The following IGSF10 variants were observed in gnomAD, a reference collection of about 807,000 sequenced individuals.
IGSF10 encodes the protein immunoglobulin superfamily member 10.
Under a neutral mutation model 128.2 loss-of-function variants are expected in IGSF10, and 126 were observed. That is an observed-to-expected ratio of 0.98 (90% CI 0.85 to 1.14). The LOEUF is 1.14. Ranked by LOEUF, IGSF10 falls within the 50% of genes most tolerant of loss-of-function variation. The probability of loss-of-function intolerance (pLI) is 0.00; values close to 1 mark genes in which losing one functional copy is unlikely to be tolerated. For missense variants in IGSF10, 3,295 were observed against 3,149.8 expected (o/e 1.05, Z -1.10); for synonymous variants, 1,185 against 1,146.2 (o/e 1.03, Z -0.68).
At chr3:151,576,628 T>C in the IGSF10 span, among the ~76,000 whole-genome samples, 2 of 152,174 alleles carry the variant, frequency 1.3e-5, no homozygotes, top group African/African-American at 4.8e-5. Context: ...TGGCCATAAC[T>C]TCCCCAAATC....
chr3:151,599,678 CTT>C, the IGSF10 span, among the ~76,000 whole-genome samples: 1 of 152,104 alleles, frequency 6.6e-6, no homozygotes, highest in Non-Finnish European at 1.5e-5. Context: ...AATAATTCTT[CTT>C]GTTAGTAGAC....
chr3:151,484,744 A>AG, the IGSF10 span, among the ~76,000 whole-genome samples: 1 of 151,212 alleles, frequency 6.6e-6, no homozygotes, highest in Non-Finnish European at 1.5e-5. Context: ...AAAAAAAAAA[A>AG]GAATAGAATC....
intron 4 of IGSF10, among the ~76,000 whole-genome samples, chr3:151,454,847 C>A (rs896732324): frequency 4.6e-5 from 7 of 151,528 alleles, no homozygotes; most frequent in Non-Finnish European, 8.8e-5. Context: ...TACATATACA[C>A]ACACAAAATT....
downstream of IGSF10, chr3:151,432,785 G>C: frequency 6.2e-7 from 1 of 1,612,926 alleles, no homozygotes; most frequent in Non-Finnish European, 8.5e-7. Flanking sequence ...ACTCCGTATG[G>C]GCATCCTTCA....
At chr3:151,472,749 G>T in the IGSF10 span, among the ~76,000 whole-genome samples, 1 of 152,242 alleles carries the variant, frequency 6.6e-6, no homozygotes, top group East Asian at 1.9e-4. Context: ...GTATACTTTT[G>T]CCAGGTAAAG....
At chr3:151,594,884 C>T in the IGSF10 span, among the ~76,000 whole-genome samples, 1 of 151,436 alleles carries the variant, frequency 6.6e-6, no homozygotes. Context: ...GCATATACCC[C>T]CAAAAGATGT....
the IGSF10 span, among the ~76,000 whole-genome samples, chr3:151,519,702 G>A: frequency 6.6e-6 from 1 of 151,658 alleles, no homozygotes. Flanking sequence ...GCAAAATAAA[G>A]CAATGAATTC....
the IGSF10 span, among the ~76,000 whole-genome samples, chr3:151,614,371 C>T: frequency 5.9e-5 from 9 of 152,286 alleles, no homozygotes; most frequent in South Asian, 2.1e-4. Context: ...CACATGCACA[C>T]GTATGTTTAT....
chr3:151,435,522 A>G (rs184775659), downstream of IGSF10: 61 of 152,166 alleles, frequency 4.0e-4, no homozygotes, highest in East Asian at 0.011. Flanking sequence ...ACATGTCTCA[A>G]ATGATTGGCA....
the IGSF10 span, among the ~76,000 whole-genome samples, chr3:151,597,435 A>G: frequency 6.6e-6 from 1 of 152,362 alleles, no homozygotes; most frequent in South Asian, 2.1e-4. Context: ...GGATAAGTAA[A>G]TAAAGATGAG....
upstream of IGSF10, among the ~76,000 whole-genome samples, chr3:151,464,867 T>C (rs755769150): frequency 6.6e-6 from 1 of 152,224 alleles, no homozygotes; most frequent in Non-Finnish European, 1.5e-5. Context: ...GTATCATCTT[T>C]CTTCCAATAC....
chr3:151,447,888 A>G lies in IGSF10; in HGVS notation c.2093T>C (p.Leu698Pro). The G allele has an allele frequency of 6.2e-7, 1 of 1,613,976 alleles. No homozygotes were observed. Reference protein sequence around the residue: ...AHLKEPPGAQLRTSALMEAEV... With the variant: ...AHLKEPPGAQPRTSALMEAEV... The stretch of plus-strand genomic sequence containing the variant: ...AGCCTCCATCAGAGCAGATGTACGG[A>G]GTTGTGCACCTGGTGGCTCCTTAAG... Residue 698 changes from leucine (L) to proline (P), a missense_variant, in exon 6 of 8, where the codon CTC (leucine) becomes CCC (proline). Physicochemically the swap from Leu to Pro is moderately conservative, Grantham distance 98 (BLOSUM62 -3). Transcript: ENST00000282466.
chr3:151,433,048 C>G, downstream of IGSF10: 1 of 445,548 alleles, frequency 2.2e-6, no homozygotes, highest in Non-Finnish European at 4.0e-6. Context: ...TGCAGGCAGG[C>G]CTACTCCCGG....
chr3:151,578,194 A>T, the IGSF10 span, among the ~76,000 whole-genome samples: 10 of 152,226 alleles, frequency 6.6e-5, no homozygotes, highest in Admixed American at 4.6e-4. Context: ...AATGAAAGAA[A>T]TTACCTAAAT....
At position 151,443,696 on chromosome 3, in the gene IGSF10, G is replaced by T. The variant is rs369808974; in HGVS notation, c.5251C>A (p.Arg1751Ser). 4.5e-5 allele frequency: 73 copies of T among 1,614,050 alleles called. No homozygotes were observed. The highest frequency in any genetic ancestry group is 6.1e-5 in the Non-Finnish European group (72 of 1,180,036). The change falls in exon 7 of 8, where the codon CGT becomes AGT. Residue 1751 changes from arginine to serine, a missense_variant. Coordinates refer to ENST00000282466, the MANE Select transcript of IGSF10 (RefSeq NM_178822.5). ...GAATGAACTGTGATCTCTTTGGTACGTCTCTCCAGGATCCTGGGAGGATAG... is the reference window on the plus strand; with the variant it reads ...GAATGAACTGTGATCTCTTTGGTACTTCTCTCCAGGATCCTGGGAGGATAG... ...VSYPPRILER[R>S]TKEITVHSGS...
At chr3:151,529,198 A>G in the IGSF10 span, among the ~76,000 whole-genome samples, 1 of 151,822 alleles carries the variant, frequency 6.6e-6, no homozygotes, top group Non-Finnish European at 1.5e-5. Flanking sequence ...GAAAGGTAGC[A>G]CCCCCATTCA....
chr3:151,568,568 C>T, the IGSF10 span, among the ~76,000 whole-genome samples: 2 of 152,184 alleles, frequency 1.3e-5, no homozygotes, highest in Non-Finnish European at 2.9e-5. Context: ...TGCTTCACCC[C>T]TGTGTGTAAT....
At chr3:151,553,973 C>CAAAA in the IGSF10 span, among the ~76,000 whole-genome samples, 3 of 147,282 alleles carry the variant, frequency 2.0e-5, no homozygotes, top group East Asian at 2.0e-4. Context: ...ATAACAACAA[C>CAAAA]AAAAAAAAAA....
At chr3:151,530,099 G>A in the IGSF10 span, among the ~76,000 whole-genome samples, 5 of 151,652 alleles carry the variant, frequency 3.3e-5, no homozygotes, top group African/African-American at 1.2e-4. Context: ...TCAAGCAGAA[G>A]AAAGGCTATC....
Sources: allele counts gnomAD v4.1 joint callset (sites outside exome capture counted in the v4.1 genomes callset), GRCh38; gene constraint gnomAD v4.1.1; transcripts MANE v1.5; gene names NCBI Gene and HGNC (gene_info 2026-07-23, HGNC 2026-07-21).